The following SH3RF1 variants were observed in gnomAD, a reference collection of about 807,000 sequenced individuals.
SH3RF1 encodes the protein E3 ubiquitin-protein ligase SH3RF1.
SH3RF1 carries 32 observed loss-of-function variants against 74.0 expected under a neutral mutation model. The ratio of observed to expected loss-of-function variants is 0.43; its 90% CI spans 0.33 to 0.58. The LOEUF (loss-of-function observed/expected upper bound fraction) is 0.58, where lower values mean the gene tolerates loss of function less well. SH3RF1 is among the 20% of genes least tolerant of loss of function. The pLI is 0.05. For synonymous variants in SH3RF1, 396 were observed against 439.6 expected (o/e 0.90, Z 1.24); for missense variants, 954 against 1,130.9 (o/e 0.84, Z 2.24).
chr4:169,184,134 G>A (rs945821836), intron 2 of SH3RF1, among the ~76,000 whole-genome samples: 1 of 152,132 alleles, frequency 6.6e-6, no homozygotes, highest in Non-Finnish European at 1.5e-5. Flanking sequence ...CCAGACCTCA[G>A]GGCACTCCCA....
At chr4:169,145,954 A>T (rs1733875023) in intron 4 of SH3RF1, among the ~76,000 whole-genome samples, 1 of 138,596 alleles carries the variant, frequency 7.2e-6, no homozygotes, top group East Asian at 2.0e-4. Flanking sequence ...ATTATTCTAT[A>T]TAAAATATTA....
At chr4:169,246,365 G>A (rs182984213) in intron 2 of SH3RF1, among the ~76,000 whole-genome samples, 44 of 152,190 alleles carry the variant, frequency 2.9e-4, no homozygotes, top group African/African-American at 1.0e-3. Context: ...TTTCCACCTC[G>A]GTGTGCTATA....
intron 2 of SH3RF1, among the ~76,000 whole-genome samples, chr4:169,252,863 C>T (rs552636644): frequency 6.6e-6 from 1 of 152,214 alleles, no homozygotes; most frequent in South Asian, 2.1e-4. Context: ...CAGTAACAGG[C>T]AGGATGGGTG....
At chr4:169,108,432 T>C (rs1379501790) in intron 10 of SH3RF1, among the ~76,000 whole-genome samples, 1 of 152,128 alleles carries the variant, frequency 6.6e-6, no homozygotes, top group Admixed American at 6.5e-5. Flanking sequence ...AAAAGCAACA[T>C]TTATCAGACT....
At chr4:169,235,525 C>A (rs1410207735) in intron 2 of SH3RF1, among the ~76,000 whole-genome samples, 2 of 152,178 alleles carry the variant, frequency 1.3e-5, no homozygotes, top group Non-Finnish European at 2.9e-5. Context: ...CAGGGTCACA[C>A]AGGCAATCTG....
chr4:169,135,054 G>A (rs1733679790), intron 5 of SH3RF1, among the ~76,000 whole-genome samples: 2 of 152,248 alleles, frequency 1.3e-5, no homozygotes, highest in South Asian at 4.1e-4. Context: ...AAATAAATGA[G>A]GCTGAGGCTG....
At chr4:169,192,823 T>A (rs1425697232) in intron 2 of SH3RF1, among the ~76,000 whole-genome samples, 2 of 148,306 alleles carry the variant, frequency 1.3e-5, no homozygotes, top group East Asian at 3.9e-4. Context: ...ATATGTGATA[T>A]ATATATCATA....
chr4:169,221,556 A>G lies in SH3RF1; in HGVS notation c.393+47264T>C, dbSNP rs141245674. Among the ~76,000 whole-genome samples the G allele has an allele frequency of 5.0e-4, 76 of 152,360 alleles. 1 individual carries two copies. Among genetic ancestry groups the G allele is most frequent in the African/African-American group, 1.5e-3 (64 of 41,580 alleles). On this transcript the variant is annotated intron_variant, in intron 2 of 11. Transcript: ENST00000284637. ...AAAGTTTGAAAACATTAACATTGGA[A>G]AAGAAAGTTCAATCAAAGACATGCA...
intron 2 of SH3RF1, among the ~76,000 whole-genome samples, chr4:169,225,617 C>T (rs1730644719): frequency 6.6e-6 from 1 of 152,114 alleles, no homozygotes; most frequent in South Asian, 2.1e-4. Flanking sequence ...TTCATCAAGA[C>T]AGAAAGGTGA....
intron 3 of SH3RF1, 109 bp from the exon 4 acceptor site, chr4:169,155,684 A>C: frequency 5.1e-6 from 4 of 787,914 alleles, no homozygotes; most frequent in East Asian, 2.5e-5. Context: ...AGAGTACATG[A>C]ATAAAAATGC....
At chr4:169,141,121 T>C (rs1295562415) in intron 4 of SH3RF1, among the ~76,000 whole-genome samples, 2 of 151,968 alleles carry the variant, frequency 1.3e-5, no homozygotes, top group East Asian at 3.9e-4. Flanking sequence ...CATTATGAAG[T>C]AAAAAGTAAA....
intron 2 of SH3RF1, among the ~76,000 whole-genome samples, chr4:169,200,423 CCA>C (rs1734890469): frequency 1.3e-5 from 2 of 152,032 alleles, no homozygotes. Flanking sequence ...AATAAAATCT[CCA>C]CAGTTAGAAA....
Position 169,146,113 on chromosome 4 carries a change from TTCTATATATTCTATATATTATATA to T in SH3RF1, c.765+9343_765+9366del, listed in dbSNP as rs1208266624. Among the ~76,000 whole-genome samples, 382 of 119,738 alleles carry T rather than the reference TTCTATATATTCTATATATTATATA, an allele frequency of 3.2e-3. 4 individuals carry two copies. The highest frequency in any genetic ancestry group is 0.011 in the African/African-American group (326 of 28,810). 78.6% of individuals were successfully genotyped at this position (119,738 alleles called of 152,430 possible). On this transcript the variant is annotated intron_variant, in intron 4 of 11. Coordinates refer to ENST00000284637, the MANE Select transcript of SH3RF1 (RefSeq NM_020870.4). ...TATATTCTATATAAAATGTTATATA[TTCTATATATTCTATATATTATATA>T]TCTATATATTCTATATAAAATATTA... is the stretch of plus-strand genomic sequence containing the variant.
intron 2 of SH3RF1, among the ~76,000 whole-genome samples, chr4:169,212,678 C>A (rs56324525): frequency 0.11 from 17,018 of 152,136 alleles, 964 homozygotes; most frequent in Middle Eastern, 0.16. Flanking sequence ...ACATTTCTTA[C>A]AATCAGTGAA....
At chr4:169,259,794 T>C (rs73866119) in intron 2 of SH3RF1, among the ~76,000 whole-genome samples, 2,133 of 152,286 alleles carry the variant, frequency 0.014, 45 homozygotes, top group African/African-American at 0.048. Flanking sequence ...TTGCCTGCTA[T>C]CTGAGTTCCT....
At chr4:169,170,992 T>A (rs1452946592) in intron 2 of SH3RF1, among the ~76,000 whole-genome samples, 2 of 152,246 alleles carry the variant, frequency 1.3e-5, no homozygotes, top group African/African-American at 4.8e-5. Flanking sequence ...TAAAAACACT[T>A]GTCTTTAAAC....
At chr4:169,258,874 G>A (rs1245243998) in intron 2 of SH3RF1, among the ~76,000 whole-genome samples, 1 of 152,082 alleles carries the variant, frequency 6.6e-6, no homozygotes, top group African/African-American at 2.4e-5. Context: ...TACAAGAATT[G>A]AATCTCCTTA....
intron 2 of SH3RF1, among the ~76,000 whole-genome samples, chr4:169,186,777 C>T (rs895038158): frequency 2.0e-5 from 3 of 150,196 alleles, no homozygotes; most frequent in Non-Finnish European, 4.4e-5. Flanking sequence ...GAGGCTGAGG[C>T]AGGCGGATCA....
chr4:169,222,306 A>G (rs1730579758), intron 2 of SH3RF1, among the ~76,000 whole-genome samples: 1 of 152,060 alleles, frequency 6.6e-6, no homozygotes, highest in Non-Finnish European at 1.5e-5. Context: ...TCTACTAAAA[A>G]TACAAAAAAT....
Sources: gnomAD v4.1 joint callset for allele counts (sites outside exome capture counted in the v4.1 genomes callset) on GRCh38, gnomAD v4.1.1 for gene constraint, MANE v1.5 for transcripts, NCBI Gene and HGNC (gene_info 2026-07-23, HGNC 2026-07-21) for gene names.